SLCO3A1: variants seen among roughly 807,000 people sequenced by gnomAD.
The protein encoded by SLCO3A1 is PGE1 transporter.
Under a neutral mutation model 63.1 loss-of-function variants are expected in SLCO3A1, and 27 were observed. The ratio of observed to expected loss-of-function variants is 0.43; its 90% CI spans 0.32 to 0.59. The LOEUF (loss-of-function observed/expected upper bound fraction) is 0.59, where lower values mean the gene tolerates loss of function less well. Among genes scored for constraint, SLCO3A1 ranks in the 20% least tolerant of loss-of-function variants. SLCO3A1 has a pLI of 0.09. For synonymous variants in SLCO3A1, 473 were observed against 409.9 expected (o/e 1.15, Z -1.86); for missense variants, 773 against 945.8 (o/e 0.82, Z 2.40).
At chr15:92,125,785 C>T (rs1053999725) in intron 5 of SLCO3A1, among the ~76,000 whole-genome samples, 19 of 151,750 alleles carry the variant, frequency 1.3e-4, no homozygotes, top group Non-Finnish European at 1.3e-4. Flanking sequence ...CTTCAGCTTG[C>T]GTTTCTCCTG....
Position 92,164,253 on chromosome 15 carries a change from C to T in SLCO3A1, c.*1118C>T, listed in dbSNP as rs566321584. ...GATGCAATTAACCTATTGTAATTTTCATCATTTTATCCTCATTCGAATATT... is the reference window on the plus strand; with the variant it reads ...GATGCAATTAACCTATTGTAATTTTTATCATTTTATCCTCATTCGAATATT... On this transcript the variant is annotated 3_prime_UTR_variant, in exon 10 of 10. Transcript: ENST00000318445. 1.5e-5 allele frequency: 15 copies of T among 984,200 alleles called. No homozygotes were observed. In the African/African-American group the frequency reaches 2.4e-4, roughly 16 times the overall value. 61.0% of individuals were successfully genotyped at this position (984,200 alleles called of 1,614,324 possible).
chr15:91,905,420 C>A (rs182078454), intron 1 of SLCO3A1, among the ~76,000 whole-genome samples: 236 of 152,322 alleles, frequency 1.5e-3, no homozygotes, highest in African/African-American at 5.5e-3. Context: ...CTCTCATACA[C>A]TTTAAATCTT....
chr15:92,108,921 A>T (rs1167828420), intron 4 of SLCO3A1, among the ~76,000 whole-genome samples: 3 of 152,042 alleles, frequency 2.0e-5, no homozygotes, highest in Non-Finnish European at 2.9e-5. Context: ...GCACCTGGGA[A>T]CACATTACCA....
At chr15:92,125,459 A>G (rs1337925769) in intron 5 of SLCO3A1, among the ~76,000 whole-genome samples, 1 of 152,162 alleles carries the variant, frequency 6.6e-6, no homozygotes, top group East Asian at 1.9e-4. Flanking sequence ...TATATATGCC[A>G]TTTATTCACC....
At chr15:92,153,028 A>G (rs937232428) in intron 9 of SLCO3A1, among the ~76,000 whole-genome samples, 4 of 152,244 alleles carry the variant, frequency 2.6e-5, no homozygotes, top group Non-Finnish European at 5.9e-5. Flanking sequence ...GTTGAAAGCA[A>G]AAGTGAACAT....
intron 10 of SLCO3A1, chr15:92,171,408 T>C (rs1015858114): frequency 1.8e-5 from 3 of 171,034 alleles, no homozygotes; most frequent in Non-Finnish European, 1.2e-5. Context: ...ATCTCTTCAA[T>C]AGAGATGTAC....
At chr15:92,020,002 G>A (rs16946270) in intron 2 of SLCO3A1, among the ~76,000 whole-genome samples, 30,603 of 152,068 alleles carry the variant, frequency 0.2, 3,327 homozygotes, top group African/African-American at 0.24. Context: ...TGGATACAGA[G>A]CCCTGAGAGA....
At chr15:92,170,126 A>G (rs553071592), downstream of SLCO3A1, among the ~76,000 whole-genome samples, 13 of 152,232 alleles carry the variant, frequency 8.5e-5, no homozygotes, top group African/African-American at 2.4e-4. Flanking sequence ...TTAACCTTAT[A>G]GAAGATTCTC....
chr15:92,015,646 C>G (rs2046417806), intron 2 of SLCO3A1, among the ~76,000 whole-genome samples: 1 of 152,056 alleles, frequency 6.6e-6, no homozygotes, highest in South Asian at 2.1e-4. Context: ...AGTAAGCAAG[C>G]AGGAAGATGG....
At chr15:91,880,123 GTCCGTCCGTCCATCCATCCATCCA>G (rs1251541947) in intron 1 of SLCO3A1, among the ~76,000 whole-genome samples, 2 of 117,324 alleles carry the variant, frequency 1.7e-5, no homozygotes, top group African/African-American at 8.8e-5. Flanking sequence ...CCGTCCGTCC[GTCCGTCCGTCCATCCATCCATCCA>G]TCCATCCATC....
intron 2 of SLCO3A1, among the ~76,000 whole-genome samples, chr15:91,934,191 G>C (rs996706112): frequency 1.3e-5 from 2 of 152,168 alleles, no homozygotes; most frequent in Non-Finnish European, 2.9e-5. Flanking sequence ...TGAGGACCAG[G>C]TGGATGTCTG....
rs1208204218 is a variant in SLCO3A1 at position 91,885,685 on chromosome 15, G to C, written c.181-30308G>C. On this transcript the variant is annotated intron_variant, in intron 1 of 9. Transcript: ENST00000318445. This position sits in a 1 kb window ranked among gnomAD's most constrained non-coding sequence, Gnocchi z 4.7. ...TTTCATTCACAGTAGACAGTTTTAG[G>C]TAGATCCCTGCTGTGAGCAGACACA... 6.6e-6 allele frequency among the ~76,000 whole-genome samples: 1 copy of C among 152,186 alleles called. No individual in the cohort carries two copies. The highest frequency in any genetic ancestry group is 1.5e-5 in the Non-Finnish European group (1 of 68,034).
intron 2 of SLCO3A1, among the ~76,000 whole-genome samples, chr15:92,034,096 A>G (rs2046692376): frequency 6.8e-6 from 1 of 147,134 alleles, no homozygotes; most frequent in Non-Finnish European, 1.5e-5. Context: ...ATGGTCTGAC[A>G]ACTCCTGGGT....
intron 1 of SLCO3A1, among the ~76,000 whole-genome samples, chr15:91,881,366 A>G (rs1428492980): frequency 6.6e-6 from 1 of 152,056 alleles, no homozygotes; most frequent in Non-Finnish European, 1.5e-5. Flanking sequence ...TGTTCTCTGA[A>G]TACCAGCCAC....
At chr15:91,939,363 G>A (rs984107651) in intron 2 of SLCO3A1, among the ~76,000 whole-genome samples, 2 of 152,032 alleles carry the variant, frequency 1.3e-5, no homozygotes, top group South Asian at 2.1e-4. Flanking sequence ...ATCACCTCCC[G>A]CCAGGCCCCA....
At chr15:92,069,116 C>T (rs537570286) in intron 2 of SLCO3A1, among the ~76,000 whole-genome samples, 1 of 146,494 alleles carries the variant, frequency 6.8e-6, no homozygotes, top group East Asian at 2.1e-4. Context: ...CGCCACCCCC[C>T]ACTCCCCCCA....
At chr15:91,888,822 A>AAAAAC (rs1260934870) in intron 1 of SLCO3A1, among the ~76,000 whole-genome samples, 10 of 152,138 alleles carry the variant, frequency 6.6e-5, no homozygotes, top group Admixed American at 3.3e-4. Context: ...ATCTCTACAA[A>AAAAAC]AAAACAAAAC....
At chr15:92,056,929 A>T (rs1407597103) in intron 2 of SLCO3A1, among the ~76,000 whole-genome samples, 1 of 152,188 alleles carries the variant, frequency 6.6e-6, no homozygotes, top group Non-Finnish European at 1.5e-5. Flanking sequence ...TTACTGTGTT[A>T]CCCAGTTAAT....
chr15:92,029,307 G>T (rs2046616695), intron 2 of SLCO3A1, among the ~76,000 whole-genome samples: 1 of 152,188 alleles, frequency 6.6e-6, no homozygotes. Flanking sequence ...AGCTATCAGG[G>T]ATTGTTTTGC....
Sources: allele counts gnomAD v4.1 joint callset (sites outside exome capture counted in the v4.1 genomes callset), GRCh38; gene constraint gnomAD v4.1.1; non-coding constraint Gnocchi (gnomAD v3.1); transcripts MANE v1.5; gene names NCBI Gene and HGNC (gene_info 2026-07-23, HGNC 2026-07-21).